The following BMERB1 variants were observed in gnomAD, a reference collection of about 807,000 sequenced individuals.
BMERB1 encodes the protein bMERB domain-containing protein 1.
Under a neutral mutation model 23.6 loss-of-function variants are expected in BMERB1, and 12 were observed. The observed-to-expected ratio is 0.51, with a 90% CI of 0.33 to 0.82. BMERB1 has a LOEUF of 0.82. BMERB1 is among the 40% of genes least tolerant of loss of function. BMERB1 has a pLI of 0.03. For missense variants in BMERB1, 247 were observed against 255.4 expected (o/e 0.97, Z 0.22); for synonymous variants, 122 against 96.6 (o/e 1.26, Z -1.54).
At chr16:15,447,960 G>A (rs761803313) in intron 1 of BMERB1, 3 of 454,296 alleles carry the variant, frequency 6.6e-6, no homozygotes, top group East Asian at 1.4e-4. Flanking sequence ...CGTGATCACG[G>A]CTCACTTCAA....
At position 15,587,048 on chromosome 16, in the gene BMERB1, C is replaced by T. The variant is rs2031166318; in HGVS notation, c.*219C>T. On this transcript the variant is annotated 3_prime_UTR_variant, in exon 6 of 6. Transcript: ENST00000300006. ...CACCGTCGCATGGTCCTCCCCAGAG[C>T]ATGCCGAACCCAGGAGTCTGTCTCA... The T allele has an allele frequency of 3.8e-6, 2 of 532,944 alleles. No homozygotes were observed. Among genetic ancestry groups the T allele is most frequent in the Non-Finnish European group, 6.6e-6 (2 of 302,368 alleles). 33.0% of individuals were successfully genotyped at this position (532,944 alleles called of 1,614,324 possible). A position where few individuals can be genotyped will look rare whatever the true frequency, so the allele number is the denominator to read the frequency against.
chr16:15,511,826 A>G (rs1167264533), intron 1 of BMERB1, among the ~76,000 whole-genome samples: 1 of 152,098 alleles, frequency 6.6e-6, no homozygotes, highest in Non-Finnish European at 1.5e-5. Flanking sequence ...AGCCTGGCCA[A>G]AATGGCGAAA....
intron 1 of BMERB1, among the ~76,000 whole-genome samples, chr16:15,489,614 C>G (rs2051400447): frequency 6.6e-6 from 1 of 152,122 alleles, no homozygotes. Flanking sequence ...CCACTCACCA[C>G]TCTCAGGAAA....
intron 3 of BMERB1, among the ~76,000 whole-genome samples, chr16:15,569,211 G>T (rs752333901): frequency 3.3e-5 from 5 of 151,648 alleles, no homozygotes; most frequent in African/African-American, 1.2e-4. Flanking sequence ...GCGAGACTCC[G>T]ACTCAAAAAA....
At chr16:15,446,948 A>G (rs931192164) in intron 1 of BMERB1, among the ~76,000 whole-genome samples, 1 of 152,162 alleles carries the variant, frequency 6.6e-6, no homozygotes, top group African/African-American at 2.4e-5. Context: ...TCTTTGAATG[A>G]TCAAGAAGGA....
chr16:15,448,306 C>T (rs888575651), intron 1 of BMERB1, among the ~76,000 whole-genome samples: 1 of 152,136 alleles, frequency 6.6e-6, no homozygotes, highest in African/African-American at 2.4e-5. Context: ...ATGATGAGGG[C>T]TGTATGTCCA....
At chr16:15,451,200 A>AAAACGAACAAACAAAACAAACAAAC (rs1375868669) in intron 1 of BMERB1, among the ~76,000 whole-genome samples, 1 of 152,132 alleles carries the variant, frequency 6.6e-6, no homozygotes, top group African/African-American at 2.4e-5. Context: ...TCGTTTTCTG[A>AAAACGAACAAACAAAACAAACAAAC]GACAGAGTCT....
chr16:15,500,964 T>C (rs1453529338), intron 1 of BMERB1, among the ~76,000 whole-genome samples: 1 of 152,170 alleles, frequency 6.6e-6, no homozygotes, highest in African/African-American at 2.4e-5. Context: ...AATTGAGATC[T>C]ATTTAAAGGG....
At chr16:15,524,915 AGAGGACC>A (rs1257015431) in intron 2 of BMERB1, among the ~76,000 whole-genome samples, 30 of 152,334 alleles carry the variant, frequency 2.0e-4, no homozygotes, top group African/African-American at 7.2e-4. Flanking sequence ...CATTCTGCTC[AGAGGACC>A]ACCTCTGAAC....
At chr16:15,553,282 A>G (rs922911710) in intron 2 of BMERB1, among the ~76,000 whole-genome samples, 7 of 152,200 alleles carry the variant, frequency 4.6e-5, no homozygotes, top group African/African-American at 1.7e-4. Flanking sequence ...TGCTGTGACT[A>G]CAGGCATGAG....
intron 1 of BMERB1, among the ~76,000 whole-genome samples, chr16:15,444,717 A>G (rs2050974761): frequency 6.6e-6 from 1 of 152,116 alleles, no homozygotes; most frequent in Admixed American, 6.6e-5. Context: ...GATGGTTTCT[A>G]GTTTATTGGT....
chr16:15,575,056 G>A (rs2030823551), intron 3 of BMERB1, among the ~76,000 whole-genome samples: 1 of 152,090 alleles, frequency 6.6e-6, no homozygotes, highest in Non-Finnish European at 1.5e-5. Flanking sequence ...TCCAGCCTGG[G>A]CGACAAAGCA....
chr16:15,544,158 G>T (rs530145175), intron 2 of BMERB1, among the ~76,000 whole-genome samples: 17 of 152,248 alleles, frequency 1.1e-4, no homozygotes, highest in African/African-American at 4.1e-4. Context: ...GATTTCTCTC[G>T]AATTTAGCAA....
At chr16:15,586,696 T>C in intron 5 of BMERB1, 21 bp from the exon 6 acceptor site, 1 of 1,576,842 alleles carries the variant, frequency 6.3e-7, no homozygotes, top group Non-Finnish European at 8.6e-7. Flanking sequence ...CCCCTCTCCC[T>C]GTGCCCACAT....
intron 2 of BMERB1, among the ~76,000 whole-genome samples, chr16:15,533,301 G>C (rs2051987693): frequency 6.6e-6 from 1 of 152,100 alleles, no homozygotes; most frequent in Non-Finnish European, 1.5e-5. Flanking sequence ...CCATGTCAAG[G>C]TTGTTGAAAC....
chr16:15,480,078 ATG>A (rs940230866), intron 1 of BMERB1, among the ~76,000 whole-genome samples: 2 of 150,062 alleles, frequency 1.3e-5, no homozygotes, highest in African/African-American at 4.9e-5. Context: ...TGGCCAGGAA[ATG>A]TTGATCTATG....
At chr16:15,477,657 G>C (rs1357304267) in intron 1 of BMERB1, among the ~76,000 whole-genome samples, 1 of 151,780 alleles carries the variant, frequency 6.6e-6, no homozygotes, top group African/African-American at 2.4e-5. Flanking sequence ...AAAAAATCCT[G>C]TTGCTGGTTT....
chr16:15,464,407 G>A (rs771889618), intron 1 of BMERB1, among the ~76,000 whole-genome samples: 1 of 151,756 alleles, frequency 6.6e-6, no homozygotes, highest in Non-Finnish European at 1.5e-5. Context: ...AGGATTGGTT[G>A]AGGCCAGGAG....
chr16:15,483,984 A>G (rs1333103597), intron 1 of BMERB1, among the ~76,000 whole-genome samples: 2 of 152,178 alleles, frequency 1.3e-5, no homozygotes, highest in Admixed American at 1.3e-4. Flanking sequence ...GATTCTGGTG[A>G]GGGGCCCAAG....
Sources: allele counts gnomAD v4.1 joint callset (sites outside exome capture counted in the v4.1 genomes callset), GRCh38; gene constraint gnomAD v4.1.1; transcripts MANE v1.5; gene names NCBI Gene and HGNC (gene_info 2026-07-23, HGNC 2026-07-21).